Variants in STIM1 observed in about 807,000 individuals in gnomAD.
The protein encoded by STIM1 is stromal interaction molecule 1.
Under a neutral mutation model 74.7 loss-of-function variants are expected in STIM1, and 25 were observed. That is an observed-to-expected ratio of 0.33 (90% CI 0.24 to 0.47). The LOEUF is 0.47. Among genes scored for constraint, STIM1 ranks in the 20% least tolerant of loss-of-function variants. The pLI is 1.00. For missense variants in STIM1, 728 were observed against 920.8 expected (o/e 0.79, Z 2.71); for synonymous variants, 328 against 348.8 (o/e 0.94, Z 0.66).
chr11:3,996,699 C>T (rs1359479527), intron 2 of STIM1, among the ~76,000 whole-genome samples: 1 of 152,162 alleles, frequency 6.6e-6, no homozygotes, highest in Non-Finnish European at 1.5e-5. Context: ...GCATATGTTT[C>T]TTCATTGGCT....
At chr11:3,913,322 G>A (rs530283818) in intron 1 of STIM1, among the ~76,000 whole-genome samples, 2 of 151,994 alleles carry the variant, frequency 1.3e-5, no homozygotes, top group East Asian at 3.9e-4. Flanking sequence ...TGAGTAGCTG[G>A]GACCACAGAT....
chr11:3,954,763 A>G (rs866386926), intron 1 of STIM1, among the ~76,000 whole-genome samples: 1 of 152,218 alleles, frequency 6.6e-6, no homozygotes, highest in African/African-American at 2.4e-5. Context: ...AAAAGGGAGT[A>G]TATGGAGCAC....
chr11:3,993,091 A>T (rs950469558), intron 2 of STIM1, among the ~76,000 whole-genome samples: 29 of 151,598 alleles, frequency 1.9e-4, no homozygotes, highest in Admixed American at 1.1e-3. Context: ...TGTAAACCAG[A>T]TCATTTCACT....
chr11:3,993,332 A>G (rs997232172), intron 2 of STIM1, among the ~76,000 whole-genome samples: 1 of 152,072 alleles, frequency 6.6e-6, no homozygotes. Flanking sequence ...TTCCTTAGGT[A>G]TTTAGTTTAT....
chr11:3,919,059 G>C (rs1417517814), intron 1 of STIM1, among the ~76,000 whole-genome samples: 3 of 152,068 alleles, frequency 2.0e-5, no homozygotes, highest in Non-Finnish European at 2.9e-5. Context: ...GCTTGAGGTG[G>C]GATAGTGCTT....
At position 3,869,589 on chromosome 11, in the gene STIM1, G is replaced by C. The variant is rs562484238; in HGVS notation, c.139+13180G>C. 3.9e-5 allele frequency among the ~76,000 whole-genome samples: 6 copies of C among 152,264 alleles called. No homozygotes were observed. In the East Asian group the frequency reaches 9.7e-4, roughly 24 times the overall value. On this transcript the variant is annotated intron_variant, in intron 1 of 12. Coordinates refer to ENST00000526596, the MANE Select transcript of STIM1 (RefSeq NM_001382567.1). Reference sequence around the variant, plus strand: ...AGTGGGAAAAAGTAAAGAGTCTTTGGGGGGCAGTAGTTTAGATTGGCTGGA... The same window carrying C: ...AGTGGGAAAAAGTAAAGAGTCTTTGCGGGGCAGTAGTTTAGATTGGCTGGA...
In STIM1 at chr11:3,894,026, C is replaced by T. The variant is rs1217531621; in HGVS notation, c.139+37617C>T. Reference sequence around the variant, plus strand: ...AACTCCGGAGCTCAAGCGATCTGCCCACCTCCCGAAATGTTGGGACTAGAG... The same window carrying T: ...AACTCCGGAGCTCAAGCGATCTGCCTACCTCCCGAAATGTTGGGACTAGAG... On this transcript the variant is annotated intron_variant, in intron 1 of 12. Coordinates refer to ENST00000526596, the MANE Select transcript of STIM1 (RefSeq NM_001382567.1). Among the ~76,000 whole-genome samples, 3 of 152,048 alleles carry T rather than the reference C, an allele frequency of 2.0e-5. No homozygotes were observed. The East Asian group carries it at 5.8e-4, about 29-fold the overall frequency.
chr11:3,941,673 T>TATATATATATATAGAGAGAGAGAGAGAG, intron 1 of STIM1, among the ~76,000 whole-genome samples: 1 of 90,736 alleles, frequency 1.1e-5, no homozygotes, highest in African/African-American at 3.7e-5. Context: ...TATATATATA[T>TATATATATATATAGAGAGAGAGAGAGAG]AGAGAGAGAG....
Position 3,962,553 on chromosome 11 carries a change from A to G in STIM1, c.140-4999A>G, listed in dbSNP as rs574437549. Among the ~76,000 whole-genome samples the G allele has an allele frequency of 4.6e-5, 7 of 152,234 alleles. No homozygotes were observed. The East Asian group carries it at 1.3e-3, about 29-fold the overall frequency. On this transcript the variant is annotated intron_variant, in intron 1 of 12. Coordinates refer to ENST00000526596, the MANE Select transcript of STIM1 (RefSeq NM_001382567.1). ...GATTCTATGTCTTGCTATTGTAAAT[A>G]GTGCCGCAACAGACATGAGTGGTGG... is the stretch of plus-strand genomic sequence containing the variant.
chr11:3,893,277 T>A (rs982266438), intron 1 of STIM1, among the ~76,000 whole-genome samples: 2 of 152,118 alleles, frequency 1.3e-5, no homozygotes, highest in African/African-American at 4.8e-5. Context: ...TGGACAGGGA[T>A]GCTCAGTAAA....
chr11:4,074,154 G>A (rs573881234), intron 6 of STIM1, among the ~76,000 whole-genome samples: 1 of 152,294 alleles, frequency 6.6e-6, no homozygotes, highest in South Asian at 2.1e-4. Flanking sequence ...GGCTGATAAT[G>A]ATACCAATAT....
chr11:3,856,500 A>G (rs1191198689), intron 1 of STIM1, 91 bp downstream of exon 1: 1 of 1,489,234 alleles, frequency 6.7e-7, no homozygotes, highest in Non-Finnish European at 9.0e-7. Flanking sequence ...AGGTTTGTAC[A>G]TGTGAGGTTC....
intron 1 of STIM1, among the ~76,000 whole-genome samples, chr11:3,879,137 G>A (rs1964491): frequency 0.014 from 2,102 of 152,196 alleles, 28 homozygotes; most frequent in Non-Finnish European, 0.021. Flanking sequence ...TGTATTTTTA[G>A]TAGAGACGGG....
At chr11:3,894,671 C>T (rs931155575) in intron 1 of STIM1, among the ~76,000 whole-genome samples, 2 of 152,102 alleles carry the variant, frequency 1.3e-5, no homozygotes, top group Admixed American at 1.3e-4. Flanking sequence ...AGGGCTGATT[C>T]CTAGGAATCA....
At chr11:4,064,285 T>C (rs112890082) in intron 5 of STIM1, among the ~76,000 whole-genome samples, 9 of 152,364 alleles carry the variant, frequency 5.9e-5, no homozygotes, top group African/African-American at 2.2e-4. Context: ...GGGACATGCC[T>C]GCTGGGTGTT....
intron 1 of STIM1, among the ~76,000 whole-genome samples, chr11:3,912,230 C>T (rs1192917853): frequency 8.0e-6 from 1 of 124,706 alleles, no homozygotes; most frequent in African/African-American, 3.0e-5. Context: ...TTCTCCCCTC[C>T]CCTCCCTTAT....
intron 2 of STIM1, among the ~76,000 whole-genome samples, chr11:4,012,795 C>A (rs1362976516): frequency 6.6e-6 from 1 of 152,160 alleles, no homozygotes; most frequent in Non-Finnish European, 1.5e-5. Flanking sequence ...GCATCCTTGT[C>A]TTGTGCCAGT....
intron 5 of STIM1, among the ~76,000 whole-genome samples, chr11:4,063,741 G>T (rs865975169): frequency 2.5e-4 from 38 of 152,140 alleles, no homozygotes; most frequent in African/African-American, 9.2e-4. Flanking sequence ...CCCTGTATTG[G>T]CAGGTGACCT....
chr11:3,989,451 G>T, intron 2 of STIM1: 2 of 705,560 alleles, frequency 2.8e-6, no homozygotes, highest in South Asian at 2.8e-5. Flanking sequence ...AGCTGACCTT[G>T]CTCTTAGGCA....
Sources: gnomAD v4.1 joint callset for allele counts (sites outside exome capture counted in the v4.1 genomes callset) on GRCh38, gnomAD v4.1.1 for gene constraint, MANE v1.5 for transcripts, NCBI Gene and HGNC (gene_info 2026-07-23, HGNC 2026-07-21) for gene names.